Variants in SLC25A43 observed in about 807,000 individuals in gnomAD.
SLC25A43 encodes the protein solute carrier family 25 member 43.
A neutral mutation model predicts 22.8 loss-of-function variants in SLC25A43; 10 were observed. That is an observed-to-expected ratio of 0.44 (90% CI 0.27 to 0.74). The LOEUF (loss-of-function observed/expected upper bound fraction) is 0.74, where lower values mean the gene tolerates loss of function less well. Ranked by LOEUF, SLC25A43 falls within the 30% of genes least tolerant of loss-of-function variation. The pLI is 0.17. For synonymous variants in SLC25A43, 106 were observed against 121.6 expected (o/e 0.87, Z 0.84); for missense variants, 233 against 279.1 (o/e 0.83, Z 1.18).
At chrX:119,403,295 CTT>C (rs776771260) in intron 1 of SLC25A43, among the ~76,000 whole-genome samples, 1 of 101,482 alleles carries the variant, frequency 9.9e-6, no homozygotes. Context: ...TCAAAAATTT[CTT>C]TTTTTTTTTT....
chrX:119,452,559 G>A (rs1302502570), intron 4 of SLC25A43, among the ~76,000 whole-genome samples: 1 of 110,798 alleles, frequency 9.0e-6, no homozygotes, highest in African/African-American at 3.3e-5. Context: ...TAGCTGGCAT[G>A]TAAATGATTC....
intron 3 of SLC25A43, among the ~76,000 whole-genome samples, chrX:119,451,297 G>A (rs747764877): frequency 8.9e-6 from 1 of 112,200 alleles, no homozygotes; most frequent in Non-Finnish European, 1.9e-5. Flanking sequence ...GTATAAAGGT[G>A]AGGATCACTG....
intron 3 of SLC25A43, among the ~76,000 whole-genome samples, chrX:119,450,818 A>G (rs2052701041): frequency 8.9e-6 from 1 of 112,704 alleles, no homozygotes; most frequent in South Asian, 3.6e-4. Flanking sequence ...TACCAGTTTT[A>G]TATGTAGATG....
intron 3 of SLC25A43, among the ~76,000 whole-genome samples, chrX:119,440,115 C>T (rs1400374934): frequency 1.4e-4 from 1 of 7,382 alleles, no homozygotes; most frequent in Non-Finnish European, 1.9e-4. Context: ...ACCAATCAGA[C>T]GTAGATTTGG....
chrX:119,421,087 C>T (rs752167975), intron 3 of SLC25A43, among the ~76,000 whole-genome samples: 1 of 89,136 alleles, frequency 1.1e-5, no homozygotes, highest in South Asian at 6.5e-4. Flanking sequence ...ACTCCAGCCT[C>T]GGTGACAGAG....
chrX:119,418,521 G>A (rs1371983033), intron 3 of SLC25A43, among the ~76,000 whole-genome samples: 2 of 111,974 alleles, frequency 1.8e-5, no homozygotes, highest in Non-Finnish European at 3.8e-5. Context: ...CTCTTAATAT[G>A]CTTTTCTCTA....
rs754983160 is a variant in SLC25A43, at chrX:119,410,202, T to A, written c.530T>A (p.Phe177Tyr). 8.3e-7 allele frequency: 1 copy of A among 1,210,830 alleles called. No individual in the cohort carries two copies. The highest frequency in any genetic ancestry group is 3.0e-5 in the East Asian group (1 of 33,828). Residue 177 changes from phenylalanine (F) to tyrosine (Y), a missense_variant, in exon 3 of 5, where the codon TTC becomes TAC. By Grantham distance (22) the Phe-to-Tyr change is conservative. Transcript: ENST00000217909. ...VSLTVVGALPFSAGSLLVYMN... is the reference protein window; with the variant it reads ...VSLTVVGALPYSAGSLLVYMN... ...CCTTGTTTTGCAGGTGCTCTCCCGT[T>A]CTCTGCTGGCTCCCTTCTTGTTTAC...
chrX:119,401,121 T>C (rs1569363814), intron 1 of SLC25A43, among the ~76,000 whole-genome samples: 1 of 111,559 alleles, frequency 9.0e-6, no homozygotes, highest in Non-Finnish European at 1.9e-5. Context: ...ACAGGAAGCA[T>C]TGTGCCTGTT....
At chrX:119,435,482 AT>A (rs2052597182) in intron 3 of SLC25A43, among the ~76,000 whole-genome samples, 2 of 6,528 alleles carry the variant, frequency 3.1e-4, no homozygotes, top group Admixed American at 1.6e-3. Flanking sequence ...TTTTTTTTTT[AT>A]TATACTCTAA....
intron 3 of SLC25A43, among the ~76,000 whole-genome samples, chrX:119,449,477 C>G (rs2052690787): frequency 9.4e-6 from 1 of 106,118 alleles, no homozygotes; most frequent in Admixed American, 1.0e-4. Context: ...TACCTGTAAT[C>G]CTAGCACTAT....
intron 3 of SLC25A43, among the ~76,000 whole-genome samples, chrX:119,431,099 T>C (rs1041345969): frequency 8.9e-6 from 1 of 112,375 alleles, no homozygotes; most frequent in Non-Finnish European, 1.9e-5. Context: ...TCATGGTCTG[T>C]GATTTTAGAG....
chrX:119,409,195 T>TA (rs2052325662), intron 2 of SLC25A43, among the ~76,000 whole-genome samples: 3 of 108,097 alleles, frequency 2.8e-5, no homozygotes, highest in African/African-American at 1.0e-4. Flanking sequence ...TTTATTTATT[T>TA]TTTGAGACAG....
At position 119,405,140 on chromosome X, in the gene SLC25A43, A is replaced by C. The variant is rs193249358; in HGVS notation, c.276-1320A>C. 2.0e-3 allele frequency among the ~76,000 whole-genome samples: 227 copies of C among 112,022 alleles called. 2 individuals carry two copies. Among genetic ancestry groups the C allele is most frequent in the African/African-American group, 7.2e-3 (221 of 30,860 alleles). ...TAGGAGCCAGGAACCATGGGTGAAAACCAATGTATGTATCATAGCACCACA... is the reference window on the plus strand; with the variant it reads ...TAGGAGCCAGGAACCATGGGTGAAACCCAATGTATGTATCATAGCACCACA... On this transcript the variant is annotated intron_variant, in intron 1 of 4. Coordinates refer to ENST00000217909, the MANE Select transcript of SLC25A43 (RefSeq NM_145305.3).
At chrX:119,451,950 C>G (rs2052710053) in intron 3 of SLC25A43, 59 bp from the exon 4 acceptor site, 1 of 1,203,760 alleles carries the variant, frequency 8.3e-7, no homozygotes, top group Admixed American at 2.2e-5. Flanking sequence ...GCTCCTTCCA[C>G]TAGGACATTT....
Position 119,417,907 on chromosome X carries a change from T to C in SLC25A43, c.690+7545T>C, listed in dbSNP as rs773256563. ...TTTTAGGGTTTCAGTGAAAGTGTTATTTTGCAGGGGTTAATAAACATACTA... is the reference window on the plus strand; with the variant it reads ...TTTTAGGGTTTCAGTGAAAGTGTTACTTTGCAGGGGTTAATAAACATACTA... On this transcript the variant is annotated intron_variant, in intron 3 of 4. Transcript: ENST00000217909. 1.6e-4 allele frequency among the ~76,000 whole-genome samples: 18 copies of C among 111,373 alleles called. No homozygotes were observed. In the South Asian group the frequency reaches 1.9e-3, roughly 12 times the overall value.
chrX:119,415,694 CA>C (rs1381623252), intron 3 of SLC25A43, among the ~76,000 whole-genome samples: 113 of 81,467 alleles, frequency 1.4e-3, no homozygotes, highest in Admixed American at 1.9e-3. Flanking sequence ...GACTCAGTCT[CA>C]AAAAAAAAAA....
chrX:119,449,452 G>GGGT (rs1161507105), intron 3 of SLC25A43, among the ~76,000 whole-genome samples: 52 of 105,320 alleles, frequency 4.9e-4, no homozygotes, highest in Non-Finnish European at 8.7e-4. Context: ...ATTGGAGGCT[G>GGGT]GGTGTAATGG....
intron 1 of SLC25A43, among the ~76,000 whole-genome samples, chrX:119,405,121 C>G (rs770734819): frequency 1.2e-4 from 13 of 111,990 alleles, no homozygotes; most frequent in Admixed American, 9.5e-4. Flanking sequence ...AAGTTAGGAG[C>G]CAGGAACCAT....
intron 2 of SLC25A43, among the ~76,000 whole-genome samples, chrX:119,408,373 G>T (rs2147256604): frequency 9.0e-6 from 1 of 111,547 alleles, no homozygotes; most frequent in South Asian, 3.8e-4. Flanking sequence ...AGTCCCTCCT[G>T]ACTCCCCCAG....
Sources: allele counts gnomAD v4.1 joint callset (sites outside exome capture counted in the v4.1 genomes callset), GRCh38; gene constraint gnomAD v4.1.1; transcripts MANE v1.5; gene names NCBI Gene and HGNC (gene_info 2026-07-23, HGNC 2026-07-21).